ZNF804B: variants seen among roughly 807,000 people sequenced by gnomAD.
ZNF804B encodes the protein zinc finger 804B.
ZNF804B carries 80 observed loss-of-function variants against 101.4 expected under a neutral mutation model. The ratio of observed to expected loss-of-function variants is 0.79; its 90% CI spans 0.66 to 0.95. The LOEUF is 0.95. Ranked by LOEUF, ZNF804B falls within the 40% of genes least tolerant of loss-of-function variation. The probability of loss-of-function intolerance (pLI) is 0.00; values close to 1 mark genes in which losing one functional copy is unlikely to be tolerated. For missense variants in ZNF804B, 1,673 were observed against 1,561.9 expected, an observed-to-expected ratio of 1.07 and a Z score of -1.20; for synonymous variants, 622 against 558.8, an observed-to-expected ratio of 1.11 and a Z score of -1.59.
chr7:89,008,486 A>G (rs1788403843), intron 1 of ZNF804B, among the ~76,000 whole-genome samples: 1 of 152,180 alleles, frequency 6.6e-6, no homozygotes, highest in Non-Finnish European at 1.5e-5. Flanking sequence ...TATTGATCTA[A>G]CAAACACATA....
intron 1 of ZNF804B, among the ~76,000 whole-genome samples, chr7:88,797,137 C>T (rs1478195546): frequency 2.0e-5 from 3 of 152,024 alleles, no homozygotes; most frequent in Non-Finnish European, 4.4e-5. Flanking sequence ...GTTTTTTCCT[C>T]TCAGTTCCCA....
At chr7:89,209,061 A>T (rs1254828674) in intron 1 of ZNF804B, among the ~76,000 whole-genome samples, 1 of 152,140 alleles carries the variant, frequency 6.6e-6, no homozygotes, top group Admixed American at 6.5e-5. Flanking sequence ...AATTGCAGTC[A>T]GTTAAGAAAC....
At chr7:88,852,409 T>TA (rs1296948597) in intron 1 of ZNF804B, among the ~76,000 whole-genome samples, 14 of 152,252 alleles carry the variant, frequency 9.2e-5, no homozygotes, top group Non-Finnish European at 1.5e-4. Context: ...CCTAGAAGGC[T>TA]AAATACCTTT....
chr7:89,129,983 TA>T (rs1790523325), intron 1 of ZNF804B, among the ~76,000 whole-genome samples: 1 of 151,994 alleles, frequency 6.6e-6, no homozygotes, highest in Admixed American at 6.6e-5. Flanking sequence ...TTTTTCATGG[TA>T]AAATTGTGTG....
At chr7:88,863,640 A>G in intron 1 of ZNF804B, among the ~76,000 whole-genome samples, 1 of 152,228 alleles carries the variant, frequency 6.6e-6, no homozygotes, top group East Asian at 1.9e-4. Context: ...ATTTGGTAAA[A>G]AGCACAAAGC....
At chr7:89,310,355 T>C (rs1562942696) in intron 2 of ZNF804B, among the ~76,000 whole-genome samples, 1 of 152,168 alleles carries the variant, frequency 6.6e-6, no homozygotes, top group Non-Finnish European at 1.5e-5. Context: ...GATTCTGATA[T>C]GTATAGCTCA....
intron 2 of ZNF804B, among the ~76,000 whole-genome samples, chr7:89,314,899 C>A (rs1790699453): frequency 6.6e-6 from 1 of 152,182 alleles, no homozygotes; most frequent in African/African-American, 2.4e-5. Flanking sequence ...AAACTTCAAG[C>A]TCTTAACTGC....
At chr7:88,925,513 G>A (rs1045586030) in intron 1 of ZNF804B, among the ~76,000 whole-genome samples, 10 of 152,084 alleles carry the variant, frequency 6.6e-5, no homozygotes, top group Non-Finnish European at 1.0e-4. Context: ...GCATGTGTGC[G>A]GTGGAAAGAC....
chr7:89,236,758 T>G (rs1789288822), intron 2 of ZNF804B, among the ~76,000 whole-genome samples: 3 of 152,148 alleles, frequency 2.0e-5, no homozygotes, highest in Admixed American at 1.3e-4. Flanking sequence ...TATAAGGAAA[T>G]GAACATGGCT....
intron 1 of ZNF804B, among the ~76,000 whole-genome samples, chr7:88,781,759 A>T (rs3847036): frequency 6.6e-6 from 1 of 152,162 alleles, no homozygotes; most frequent in Non-Finnish European, 1.5e-5. Context: ...ATCCTCAAAT[A>T]TGAAACCTGG....
intron 1 of ZNF804B, among the ~76,000 whole-genome samples, chr7:88,989,768 TG>T (rs1793817937): frequency 2.6e-5 from 4 of 152,144 alleles, no homozygotes; most frequent in African/African-American, 9.6e-5. Flanking sequence ...ATTAATGACA[TG>T]GCATCATGTA....
intron 1 of ZNF804B, among the ~76,000 whole-genome samples, chr7:88,819,346 G>A (rs1166217565): frequency 6.6e-6 from 1 of 152,026 alleles, no homozygotes; most frequent in Non-Finnish European, 1.5e-5. Flanking sequence ...GGTGAGGCTG[G>A]CCTCGAACTC....
chr7:89,059,878 G>C (rs1243707656), intron 1 of ZNF804B, among the ~76,000 whole-genome samples: 3 of 130,028 alleles, frequency 2.3e-5, no homozygotes. Context: ...CATGCTGTCA[G>C]TGTTGGAGAG....
rs200479119 is a variant in ZNF804B at position 89,135,837 on chromosome 7, G to A, written c.109-82318G>A. ...GAATAGGCCTCTCACTAGCTTAGAT[G>A]ATGTTCTATAAGAGAGAAGACAAGA... is the stretch of plus-strand genomic sequence containing the variant. On this transcript the variant is annotated intron_variant, in intron 1 of 3. Coordinates refer to ENST00000333190, the MANE Select transcript of ZNF804B (RefSeq NM_181646.5). Among the ~76,000 whole-genome samples, 258 of 152,058 alleles carry A rather than the reference G, an allele frequency of 1.7e-3. 3 individuals carry two copies. The East Asian group carries it at 0.018, about 11-fold the overall frequency.
At chr7:88,794,626 G>A (rs201260308) in intron 1 of ZNF804B, 20 of 1,613,604 alleles carry the variant, frequency 1.2e-5, no homozygotes, top group Non-Finnish European at 1.7e-5. Flanking sequence ...TTTGTAGAGA[G>A]TGTCGCTGGA....
intron 2 of ZNF804B, among the ~76,000 whole-genome samples, chr7:89,307,505 G>A (rs925459417): frequency 3.3e-5 from 5 of 151,772 alleles, no homozygotes; most frequent in South Asian, 2.1e-4. Flanking sequence ...CTCTTCCCAC[G>A]TATTTATGAA....
At chr7:89,196,856 CAT>C (rs1310600703) in intron 1 of ZNF804B, among the ~76,000 whole-genome samples, 3 of 151,908 alleles carry the variant, frequency 2.0e-5, no homozygotes, top group Admixed American at 1.3e-4. Context: ...GATCAACAAA[CAT>C]ATGAAAAAAA....
intron 2 of ZNF804B, among the ~76,000 whole-genome samples, chr7:89,237,846 TACTC>T (rs1413300648): frequency 1.3e-5 from 2 of 152,184 alleles, no homozygotes; most frequent in Non-Finnish European, 2.9e-5. Context: ...TTATTCCAGA[TACTC>T]ACAATCCAGA....
At chr7:89,055,865 G>A (rs200244495) in intron 1 of ZNF804B, among the ~76,000 whole-genome samples, 24 of 152,008 alleles carry the variant, frequency 1.6e-4, no homozygotes, top group East Asian at 7.7e-4. Flanking sequence ...ATTTCTTGGC[G>A]CTGCTCTTAG....
Sources: gnomAD v4.1 joint callset for allele counts (sites outside exome capture counted in the v4.1 genomes callset) on GRCh38, gnomAD v4.1.1 for gene constraint, MANE v1.5 for transcripts, NCBI Gene and HGNC (gene_info 2026-07-23, HGNC 2026-07-21) for gene names.